Variants in CSMD3 observed in about 807,000 individuals in gnomAD.
The protein encoded by CSMD3 is CUB and sushi domain-containing protein 3.
Under a neutral mutation model 435.2 loss-of-function variants are expected in CSMD3, and 177 were observed. The ratio of observed to expected loss-of-function variants is 0.41; its 90% CI spans 0.36 to 0.46. CSMD3 has a LOEUF of 0.46. CSMD3 is among the 20% of genes least tolerant of loss of function. CSMD3 has a pLI of 0.34. For missense variants in CSMD3, 4,265 were observed against 4,504.6 expected, an observed-to-expected ratio of 0.95 and a Z score of 1.52; for synonymous variants, 1,656 against 1,520.5, an observed-to-expected ratio of 1.09 and a Z score of -2.07.
intron 12 of CSMD3, among the ~76,000 whole-genome samples, chr8:112,817,187 T>C (rs1053132611): frequency 2.0e-5 from 3 of 152,100 alleles, no homozygotes; most frequent in South Asian, 2.1e-4. Flanking sequence ...ATGAGTCTAA[T>C]AGTGACACAT....
intron 9 of CSMD3, among the ~76,000 whole-genome samples, chr8:112,932,216 G>A (rs557786647): frequency 2.0e-5 from 3 of 152,256 alleles, no homozygotes; most frequent in South Asian, 2.1e-4. Context: ...CAGATGAATG[G>A]ACAAATGTAG....
intron 3 of CSMD3, among the ~76,000 whole-genome samples, chr8:113,201,762 C>A (rs1461177939): frequency 6.6e-6 from 1 of 151,982 alleles, no homozygotes; most frequent in African/African-American, 2.4e-5. Context: ...AAGTTTATTT[C>A]TAATTTATCC....
At chr8:112,806,193 G>C (rs971090745) in intron 12 of CSMD3, among the ~76,000 whole-genome samples, 3 of 152,118 alleles carry the variant, frequency 2.0e-5, no homozygotes, top group African/African-American at 7.2e-5. Context: ...CTTTTATTTG[G>C]TCAGTAGAAT....
At position 112,986,196 on chromosome 8, in the gene CSMD3, C is replaced by T. The variant is rs77609895; in HGVS notation, c.1031-10048G>A. On this transcript the variant is annotated intron_variant, in intron 6 of 70. Transcript: ENST00000297405. The stretch of plus-strand genomic sequence containing the variant: ...AACAATTGTTTTGTTATTTTGTTTG[C>T]TTTTAGTATAACTATATCCTGTATA... Among the ~76,000 whole-genome samples, 1,009 of 152,186 alleles carry T rather than the reference C, an allele frequency of 6.6e-3. 12 individuals are homozygous for T. Among genetic ancestry groups the T allele is most frequent in the African/African-American group, 0.023 (967 of 41,548 alleles).
At chr8:113,195,527 T>C (rs773137258) in intron 3 of CSMD3, among the ~76,000 whole-genome samples, 1 of 150,668 alleles carries the variant, frequency 6.6e-6, no homozygotes, top group Non-Finnish European at 1.5e-5. Flanking sequence ...AATATAAGTA[T>C]ATCTCAAGTA....
At chr8:113,332,007 A>G (rs2094031477) in intron 1 of CSMD3, among the ~76,000 whole-genome samples, 1 of 151,776 alleles carries the variant, frequency 6.6e-6, no homozygotes, top group African/African-American at 2.4e-5. Flanking sequence ...TGACGGCAGG[A>G]TCTTATATAG....
intron 4 of CSMD3, among the ~76,000 whole-genome samples, chr8:113,150,491 T>G (rs2091781331): frequency 6.6e-6 from 1 of 151,896 alleles, no homozygotes; most frequent in South Asian, 2.1e-4. Flanking sequence ...TCAATAATCT[T>G]GGAAGATGAA....
intron 38 of CSMD3, among the ~76,000 whole-genome samples, chr8:112,363,323 AT>A (rs1827436431): frequency 6.6e-6 from 1 of 152,030 alleles, no homozygotes; most frequent in Non-Finnish European, 1.5e-5. Context: ...GAGGATGTCC[AT>A]TTGTATTTTA....
chr8:112,884,361 C>T (rs1292305098), intron 10 of CSMD3, among the ~76,000 whole-genome samples: 2 of 151,662 alleles, frequency 1.3e-5, no homozygotes. Flanking sequence ...TCTTAGCAGA[C>T]TAAAAATACT....
chr8:112,666,550 G>A (rs2131709519), intron 16 of CSMD3, 135 bp from the exon 17 acceptor site: 5 of 730,578 alleles, frequency 6.8e-6, no homozygotes, highest in South Asian at 3.4e-5. Flanking sequence ...TGAAAGCAAT[G>A]GTACATCTAG....
chr8:112,465,898 C>T (rs1329671965), intron 32 of CSMD3, among the ~76,000 whole-genome samples: 5 of 151,054 alleles, frequency 3.3e-5, no homozygotes, highest in Non-Finnish European at 7.4e-5. Context: ...TCACTTGAAC[C>T]CAGGAGGCGA....
chr8:112,406,214 C>A (rs528463258), intron 35 of CSMD3, among the ~76,000 whole-genome samples: 1 of 152,010 alleles, frequency 6.6e-6, no homozygotes, highest in African/African-American at 2.4e-5. Context: ...CCTTCATAAT[C>A]CCACATTAGT....
At chr8:112,791,028 T>G (rs1286933663) in intron 13 of CSMD3, among the ~76,000 whole-genome samples, 1 of 152,030 alleles carries the variant, frequency 6.6e-6, no homozygotes, top group Non-Finnish European at 1.5e-5. Context: ...ACTGACAAGA[T>G]AATGAACATT....
intron 45 of CSMD3, among the ~76,000 whole-genome samples, chr8:112,327,852 A>T (rs1823649242): frequency 6.6e-6 from 1 of 152,314 alleles, no homozygotes; most frequent in Non-Finnish European, 1.5e-5. Flanking sequence ...TTAAGATTTG[A>T]TTCTGGCAAT....
At chr8:113,428,321 C>T (rs2094649416) in intron 1 of CSMD3, among the ~76,000 whole-genome samples, 1 of 151,554 alleles carries the variant, frequency 6.6e-6, no homozygotes, top group African/African-American at 2.4e-5. Context: ...TTCAGGGCCT[C>T]AATGTTTCTC....
intron 13 of CSMD3, among the ~76,000 whole-genome samples, chr8:112,762,587 C>T (rs372155410): frequency 2.0e-5 from 3 of 151,832 alleles, no homozygotes; most frequent in South Asian, 2.1e-4. Flanking sequence ...ATATGGCATA[C>T]GAAGAAGTTT....
At chr8:112,862,640 T>C (rs755937148) in intron 10 of CSMD3, among the ~76,000 whole-genome samples, 1 of 152,038 alleles carries the variant, frequency 6.6e-6, no homozygotes, top group Non-Finnish European at 1.5e-5. Flanking sequence ...TAAAAACAAA[T>C]TCATTATTAT....
chr8:112,848,663 G>A (rs2080396524), intron 11 of CSMD3, among the ~76,000 whole-genome samples: 1 of 152,032 alleles, frequency 6.6e-6, no homozygotes, highest in Admixed American at 6.6e-5. Flanking sequence ...ATTAACTTGT[G>A]TGATACTTCA....
chr8:113,358,296 T>C (rs1388156751), intron 1 of CSMD3, among the ~76,000 whole-genome samples: 2 of 152,230 alleles, frequency 1.3e-5, no homozygotes, highest in East Asian at 1.9e-4. Flanking sequence ...ATACTACATA[T>C]GCAGAATCAA....
Sources: gnomAD v4.1 joint callset for allele counts (sites outside exome capture counted in the v4.1 genomes callset) on GRCh38, gnomAD v4.1.1 for gene constraint, MANE v1.5 for transcripts, NCBI Gene and HGNC (gene_info 2026-07-23, HGNC 2026-07-21) for gene names.